Variants in SCCPDH observed in about 807,000 individuals in gnomAD.
SCCPDH encodes saccharopine dehydrogenase (putative).
Under a neutral mutation model 51.5 loss-of-function variants are expected in SCCPDH, and 34 were observed. That is an observed-to-expected ratio of 0.66 (90% CI 0.50 to 0.88). The LOEUF is 0.88. SCCPDH is among the 40% of genes least tolerant of loss of function. The pLI is 0.00. For synonymous variants in SCCPDH, 187 were observed against 191.3 expected (o/e 0.98, Z 0.19); for missense variants, 464 against 527.1 (o/e 0.88, Z 1.17).
intron 4 of SCCPDH, among the ~76,000 whole-genome samples, chr1:246,741,506 C>T (rs191545479): frequency 6.6e-6 from 1 of 152,054 alleles, no homozygotes; most frequent in Admixed American, 6.6e-5. Context: ...CTATGTTGCC[C>T]AGTTTGGTCT....
chr1:246,763,297 C>T (rs4532864), intron 9 of SCCPDH, among the ~76,000 whole-genome samples: 148,698 of 152,278 alleles, frequency 0.98, 72,710 homozygotes, highest in East Asian at 1. Flanking sequence ...TATGCTGGGT[C>T]GGACAATGTG....
rs1338154235 is a variant in SCCPDH, at chr1:246,761,300, C to A, written c.990+1073C>A. On this transcript the variant is annotated intron_variant, in intron 9 of 11. Coordinates refer to ENST00000366510, the MANE Select transcript of SCCPDH (RefSeq NM_016002.3). ...CCAAGTTGGGCAGGCTGGTCTTGAA[C>A]TCCTGACCTCGTGATCCACCTGCCT... Among the ~76,000 whole-genome samples the A allele has an allele frequency of 2.0e-5, 3 of 152,320 alleles. No homozygotes were observed. The East Asian group carries it at 5.8e-4, about 29-fold the overall frequency.
chr1:246,763,694 G>A (rs1266272209), intron 9 of SCCPDH, among the ~76,000 whole-genome samples: 1 of 152,040 alleles, frequency 6.6e-6, no homozygotes, highest in Non-Finnish European at 1.5e-5. Context: ...AGCAAAGGCA[G>A]TAATTATGTC....
intron 11 of SCCPDH, among the ~76,000 whole-genome samples, 159 bp downstream of exon 11, chr1:246,766,298 G>GCTT (rs1238225359): frequency 3.3e-5 from 5 of 152,226 alleles, no homozygotes; most frequent in Non-Finnish European, 7.3e-5. Context: ...GAGAAGGACA[G>GCTT]CTTCTTACCA....
chr1:246,765,534 A>AT (rs933441095), intron 10 of SCCPDH, among the ~76,000 whole-genome samples: 2 of 152,216 alleles, frequency 1.3e-5, no homozygotes, highest in Admixed American at 6.5e-5. Flanking sequence ...GTTTATAAAC[A>AT]TTTTTTTAAC....
chr1:246,737,884 G>A (rs909756437), intron 3 of SCCPDH, among the ~76,000 whole-genome samples: 21 of 151,446 alleles, frequency 1.4e-4, no homozygotes, highest in Admixed American at 1.3e-3. Flanking sequence ...GAGCCACCAC[G>A]CCCAGCCATA....
intron 3 of SCCPDH, among the ~76,000 whole-genome samples, chr1:246,736,454 C>A (rs1239985443): frequency 6.6e-6 from 1 of 152,168 alleles, no homozygotes. Context: ...GCACTCCCAG[C>A]ACTTTGGGAG....
chr1:246,754,071 T>TA (rs1668894612), intron 5 of SCCPDH, among the ~76,000 whole-genome samples: 1 of 152,084 alleles, frequency 6.6e-6, no homozygotes, highest in South Asian at 2.1e-4. Context: ...TCTCTCATCT[T>TA]AGAGATGTGT....
chr1:246,731,356 C>CT (rs1434572617), intron 2 of SCCPDH, among the ~76,000 whole-genome samples: 1 of 152,240 alleles, frequency 6.6e-6, no homozygotes, highest in Non-Finnish European at 1.5e-5. Context: ...AATGCGTTTT[C>CT]TTTCCAGAAG....
chr1:246,742,909 C>G (rs1304841772), intron 4 of SCCPDH, among the ~76,000 whole-genome samples: 1 of 152,004 alleles, frequency 6.6e-6, no homozygotes, highest in Non-Finnish European at 1.5e-5. Flanking sequence ...ACTTGATGTC[C>G]CCTTTTTCCT....
intron 5 of SCCPDH, among the ~76,000 whole-genome samples, chr1:246,757,789 T>C (rs1668954568): frequency 6.6e-6 from 1 of 152,126 alleles, no homozygotes; most frequent in African/African-American, 2.4e-5. Context: ...ACACAGTGTA[T>C]GTATGCATAA....
In SCCPDH at chr1:246,744,069, C is replaced by T; in HGVS notation, c.515-7C>T. 1 of 1,572,308 alleles carries T rather than the reference C, an allele frequency of 6.4e-7. No homozygotes were observed. Among genetic ancestry groups the T allele is most frequent in the South Asian group, 1.1e-5 (1 of 87,896 alleles). ...TTTTGCTTTTTACCATTCTCCTACTCTTTTAGGTACTTTGACTGCTGTGGA... is the reference window on the plus strand; with the variant it reads ...TTTTGCTTTTTACCATTCTCCTACTTTTTTAGGTACTTTGACTGCTGTGGA... On this transcript the variant is annotated splice_polypyrimidine_tract_variant and splice_region_variant and intron_variant, in intron 4 of 11. Transcript: ENST00000366510.
Position 246,733,977 on chromosome 1 carries a change from G to A in SCCPDH, c.304-1998G>A, listed in dbSNP as rs568847286. Reference sequence around the variant, plus strand: ...ACAGCACAGATTTTATTGAAGTTGGGAGAGTAGGTGAGATTTCCTGGGAGA... The same window carrying A: ...ACAGCACAGATTTTATTGAAGTTGGAAGAGTAGGTGAGATTTCCTGGGAGA... On this transcript the variant is annotated intron_variant, in intron 2 of 11. Transcript: ENST00000366510. Among the ~76,000 whole-genome samples the A allele has an allele frequency of 2.2e-4, 33 of 152,280 alleles. No homozygotes were observed. The South Asian group carries it at 6.4e-3, about 30-fold the overall frequency.
chr1:246,750,989 G>A (rs1668843822), intron 5 of SCCPDH, among the ~76,000 whole-genome samples: 1 of 152,172 alleles, frequency 6.6e-6, no homozygotes, highest in Non-Finnish European at 1.5e-5. Context: ...CATGGCGTGG[G>A]GCCCCCAGTG....
intron 3 of SCCPDH, among the ~76,000 whole-genome samples, chr1:246,738,488 C>T (rs571967774): frequency 1.3e-4 from 19 of 148,772 alleles, no homozygotes; most frequent in Admixed American, 3.3e-4. Context: ...TCCAGCCTGG[C>T]GACAGAGTGG....
intron 5 of SCCPDH, among the ~76,000 whole-genome samples, chr1:246,750,283 C>T (rs1308620733): frequency 2.6e-5 from 4 of 152,048 alleles, no homozygotes; most frequent in East Asian, 1.9e-4. Context: ...TTCTGAGGGA[C>T]GAGAAAGTGG....
chr1:246,725,681 C>T (rs1317927987), intron 1 of SCCPDH, among the ~76,000 whole-genome samples: 2 of 152,174 alleles, frequency 1.3e-5, no homozygotes, highest in Non-Finnish European at 2.9e-5. Context: ...GACCAAAGAG[C>T]TTTTTGGTCG....
At chr1:246,727,698 A>G (rs1345749093) in intron 2 of SCCPDH, among the ~76,000 whole-genome samples, 3 of 152,324 alleles carry the variant, frequency 2.0e-5, no homozygotes, top group East Asian at 1.9e-4. Flanking sequence ...AGCAAATTGC[A>G]TGAACCTTTT....
Position 246,759,962 on chromosome 1 carries a change from G to A in SCCPDH, c.819G>A (p.Gln273=). ...LYENLEESPV[Q]YAAYVTVGGI... Reference sequence around the variant, plus strand: ...TTGTCTTCTCCATCATCTAGGTTCAGTATGCTGCGTATGTAACTGTGGGAG... The same window carrying A: ...TTGTCTTCTCCATCATCTAGGTTCAATATGCTGCGTATGTAACTGTGGGAG... Residue 273 remains glutamine, a synonymous_variant, in exon 8 of 12, where the codon CAG becomes CAA. Coordinates refer to ENST00000366510, the MANE Select transcript of SCCPDH (RefSeq NM_016002.3). The A allele has an allele frequency of 1.9e-6, 3 of 1,610,704 alleles. No homozygotes were observed. The highest frequency in any genetic ancestry group is 2.5e-6 in the Non-Finnish European group (3 of 1,179,090).
Sources: allele counts gnomAD v4.1 joint callset (sites outside exome capture counted in the v4.1 genomes callset), GRCh38; gene constraint gnomAD v4.1.1; transcripts MANE v1.5; gene names NCBI Gene and HGNC (gene_info 2026-07-23, HGNC 2026-07-21).